PEAK1: variants seen among roughly 807,000 people sequenced by gnomAD.
PEAK1 encodes the protein pseudopodium enriched atypical kinase 1.
Under a neutral mutation model 124.7 loss-of-function variants are expected in PEAK1, and 54 were observed. The observed-to-expected ratio is 0.43, with a 90% CI of 0.35 to 0.54. The LOEUF is 0.54. Among genes scored for constraint, PEAK1 ranks in the 20% least tolerant of loss-of-function variants. The pLI, the probability that PEAK1 is intolerant of heterozygous loss-of-function variation, is 0.01. For missense variants in PEAK1, 2,046 were observed against 2,134.5 expected (o/e 0.96, Z 0.82); for synonymous variants, 719 against 760.0 (o/e 0.95, Z 0.89).
chr15:77,243,127 T>C (rs2060430956), intron 6 of PEAK1, among the ~76,000 whole-genome samples: 1 of 152,214 alleles, frequency 6.6e-6, no homozygotes, highest in South Asian at 2.1e-4. Flanking sequence ...AGAAATGCTT[T>C]CCCTAGTTTA....
chr15:77,182,891 T>C (rs530249164), intron 6 of PEAK1, among the ~76,000 whole-genome samples: 16 of 151,428 alleles, frequency 1.1e-4, no homozygotes, highest in African/African-American at 3.9e-4. Context: ...AACAACATAA[T>C]CCAATTTGCA....
intron 8 of PEAK1, among the ~76,000 whole-genome samples, chr15:77,145,753 C>A (rs1387024280): frequency 6.6e-6 from 1 of 152,168 alleles, no homozygotes; most frequent in East Asian, 1.9e-4. Context: ...CTCTTCCAGA[C>A]TCCTCCAGGC....
chr15:77,284,961 T>C lies in PEAK1; in HGVS notation c.-426A>G, dbSNP rs760145055. 1 of 151,370 alleles carries C rather than the reference T, an allele frequency of 6.6e-6. No homozygotes were observed. Among genetic ancestry groups the C allele is most frequent in the Non-Finnish European group, 1.5e-5 (1 of 68,312 alleles). 9.4% of individuals were successfully genotyped at this position (151,370 alleles called of 1,614,324 possible). A position where few individuals can be genotyped will look rare whatever the true frequency, so the allele number is the denominator to read the frequency against. ...AGCCAGGTGTGGTGGCACGCACCTG[T>C]AGACCCAGCTGCTTGGGAGGCTGAG... On this transcript the variant is annotated 5_prime_UTR_variant, in exon 4 of 10. Coordinates refer to ENST00000682557, the MANE Select transcript of PEAK1 (RefSeq NM_001385026.1).
intron 6 of PEAK1, among the ~76,000 whole-genome samples, chr15:77,199,485 G>A (rs941594223): frequency 3.3e-5 from 5 of 152,176 alleles, no homozygotes; most frequent in African/African-American, 1.2e-4. Context: ...ATGAAAGCCT[G>A]GAAGGATTAA....
At chr15:77,184,332 G>A (rs1190782572) in intron 6 of PEAK1, among the ~76,000 whole-genome samples, 7 of 151,870 alleles carry the variant, frequency 4.6e-5, no homozygotes, top group Non-Finnish European at 8.8e-5. Context: ...TGATGCTAGC[G>A]AGGATGTGAA....
intron 1 of PEAK1, chr15:77,419,628 T>C: frequency 1.0e-6 from 1 of 984,856 alleles, no homozygotes; most frequent in Non-Finnish European, 1.2e-6. Flanking sequence ...GTCCAGCTCC[T>C]CCAGGCTTCA....
chr15:77,263,274 A>C (rs902173713), intron 5 of PEAK1, among the ~76,000 whole-genome samples: 1 of 152,188 alleles, frequency 6.6e-6, no homozygotes, highest in Non-Finnish European at 1.5e-5. Flanking sequence ...TGAAGGAAAT[A>C]GACACATAAA....
intron 5 of PEAK1, among the ~76,000 whole-genome samples, chr15:77,258,922 G>A (rs900335494): frequency 5.3e-5 from 8 of 151,952 alleles, no homozygotes; most frequent in African/African-American, 1.9e-4. Flanking sequence ...TTTATTGAGA[G>A]TTTTTAGCAT....
At chr15:77,182,741 C>A (rs2057343093) in intron 6 of PEAK1, among the ~76,000 whole-genome samples, 1 of 24,324 alleles carries the variant, frequency 4.1e-5, no homozygotes, top group South Asian at 7.9e-4. Flanking sequence ...CAGAGTGAGA[C>A]CTTGTCTCAA....
chr15:77,212,792 G>A (rs2058964694), intron 6 of PEAK1, among the ~76,000 whole-genome samples: 1 of 152,156 alleles, frequency 6.6e-6, no homozygotes, highest in Admixed American at 6.5e-5. Context: ...TTAATGTTAT[G>A]AGCCTGGCTT....
intron 6 of PEAK1, among the ~76,000 whole-genome samples, chr15:77,185,326 T>C (rs1373869602): frequency 6.6e-6 from 1 of 152,138 alleles, no homozygotes; most frequent in Non-Finnish European, 1.5e-5. Context: ...TAGGAATTAC[T>C]AGTATAGAGA....
chr15:77,353,072 G>T, intron 2 of PEAK1: 1 of 834,530 alleles, frequency 1.2e-6, no homozygotes, highest in Non-Finnish European at 1.4e-6. Context: ...CCATCCAGCT[G>T]CAAGCATGGA....
intron 8 of PEAK1, among the ~76,000 whole-genome samples, chr15:77,143,749 C>A (rs764652167): frequency 6.6e-6 from 1 of 152,160 alleles, no homozygotes; most frequent in Non-Finnish European, 1.5e-5. Context: ...CTCAGATAGA[C>A]CCTGTGAATA....
At chr15:77,349,121 C>T (rs975633091) in intron 2 of PEAK1, 29 of 581,360 alleles carry the variant, frequency 5.0e-5, no homozygotes, top group Admixed American at 1.3e-4. Context: ...CTCACTGCAA[C>T]CTCCACCTCC....
At position 77,298,249 on chromosome 15, in the gene PEAK1, C is replaced by T. The variant is rs190076305; in HGVS notation, c.-602-11745G>A. 6.3e-3 allele frequency among the ~76,000 whole-genome samples: 523 copies of T among 82,620 alleles called. 3 individuals are homozygous for T. Among genetic ancestry groups the T allele is most frequent in the East Asian group, 9.2e-3 (19 of 2,056 alleles). The allele number at this position is 82,620 out of a possible 152,430, so 54.2% of individuals were successfully genotyped here. A position where few individuals can be genotyped will look rare whatever the true frequency, so the allele number is the denominator to read the frequency against. ...TTTTTTTTTTTTTGAGAGGTAGTCT[C>T]GCTGTGCTGCCCAGGCTGGAATGCA... On this transcript the variant is annotated intron_variant, in intron 2 of 9. Transcript: ENST00000682557.
intron 2 of PEAK1, among the ~76,000 whole-genome samples, chr15:77,304,784 T>C (rs796730589): frequency 2.5e-4 from 38 of 152,250 alleles, no homozygotes; most frequent in African/African-American, 8.7e-4. Flanking sequence ...CACCTAAATA[T>C]TTCATCTTTG....
intron 2 of PEAK1, among the ~76,000 whole-genome samples, chr15:77,362,915 G>A (rs990364093): frequency 1.7e-4 from 26 of 152,186 alleles, no homozygotes; most frequent in African/African-American, 5.8e-4. Context: ...GAGTGCAATA[G>A]TGTGATCTTG....
Position 77,133,236 on chromosome 15 carries a change from AT to A in PEAK1, c.3845del (p.Asn1282IlefsTer5). The A allele has an allele frequency of 6.2e-7, 1 of 1,614,158 alleles. No homozygotes were observed. Among genetic ancestry groups the A allele is most frequent in the Non-Finnish European group, 8.5e-7 (1 of 1,180,026 alleles). On this transcript the variant is annotated frameshift_variant, in exon 9 of 10. Transcript: ENST00000682557. LOFTEE classifies it high-confidence loss of function. The surrounding 1 kb of genome is among the most constrained non-coding windows in gnomAD (Gnocchi z 4.2). ...GGATTTTACCCACTACTTCCTCCCGATTCTCAAGTCCTCGATAAAGTGCTTG... is the reference window on the plus strand; with the variant it reads ...GGATTTTACCCACTACTTCCTCCCGATCTCAAGTCCTCGATAAAGTGCTTG... ...QRQALYRGLE[N>X]REEVVGKIRS...
rs2053029625 is a variant in PEAK1, at chr15:77,133,244, G to C, written c.3838C>G (p.Leu1280Val). 1 of 1,614,244 alleles carries C rather than the reference G, an allele frequency of 6.2e-7. No homozygotes were observed. Among genetic ancestry groups the C allele is most frequent in the Non-Finnish European group, 8.5e-7 (1 of 1,180,046 alleles). The change falls in exon 9 of 10, where the codon CTT becomes GTT. Residue 1280 changes from leucine (L) to valine (V), a missense_variant. Coordinates refer to ENST00000682557, the MANE Select transcript of PEAK1 (RefSeq NM_001385026.1). The surrounding 1 kb of genome is among the most constrained non-coding windows in gnomAD (Gnocchi z 4.2). Reference protein sequence around the residue: ...KPQRQALYRGLENREEVVGKI... With the variant: ...KPQRQALYRGVENREEVVGKI... ...CCCACTACTTCCTCCCGATTCTCAA[G>C]TCCTCGATAAAGTGCTTGTCTCTGC...
Sources: allele counts gnomAD v4.1 joint callset (sites outside exome capture counted in the v4.1 genomes callset), GRCh38; gene constraint gnomAD v4.1.1; non-coding constraint Gnocchi (gnomAD v3.1); transcripts MANE v1.5; gene names NCBI Gene and HGNC (gene_info 2026-07-23, HGNC 2026-07-21).